USF3: variants seen among roughly 807,000 people sequenced by gnomAD.
The protein encoded by USF3 is upstream transcription factor family member 3, also known as basic helix-loop-helix domain-containing protein USF3.
Under a neutral mutation model 157.5 loss-of-function variants are expected in USF3, and 29 were observed. That is an observed-to-expected ratio of 0.18 (90% CI 0.14 to 0.25). The LOEUF is 0.25. USF3 is among the 10% of genes least tolerant of loss of function. The pLI, the probability that USF3 is intolerant of heterozygous loss-of-function variation, is 1.00. For synonymous variants in USF3, 893 were observed against 941.4 expected (o/e 0.95, Z 0.94); for missense variants, 2,381 against 2,667.6 (o/e 0.89, Z 2.37).
intron 1 of USF3, among the ~76,000 whole-genome samples, chr3:113,679,577 C>A (rs561534048): frequency 3.3e-5 from 5 of 152,114 alleles, no homozygotes; most frequent in African/African-American, 1.2e-4. Flanking sequence ...CCATACCCAG[C>A]TAATTTTTGT....
chr3:113,695,083 T>C (rs1707770593), intron 1 of USF3, among the ~76,000 whole-genome samples: 1 of 152,176 alleles, frequency 6.6e-6, no homozygotes, highest in African/African-American at 2.4e-5. Context: ...TGTCTTCTTG[T>C]CTTGGGCCGC....
At position 113,656,693 on chromosome 3, in the gene USF3, A is replaced by C. The variant is rs556700891; in HGVS notation, c.4989T>G (p.Asn1663Lys). 3 of 1,614,002 alleles carry C rather than the reference A, an allele frequency of 1.9e-6. No individual in the cohort carries two copies. Among genetic ancestry groups the C allele is most frequent in the African/African-American group, 1.3e-5 (1 of 75,014 alleles). The stretch of plus-strand genomic sequence containing the variant: ...CCTCAGCAGAATAACTTGAAACTCT[A>C]TTTCTCTCTGGCCTGTGTGGAGTAC... ...MTCTPHRPER[N>K]RVSSYSAEAL... The change falls in exon 7 of 7, where the codon AAT (asparagine) becomes AAG (lysine). Residue 1663 changes from asparagine (N) to lysine (K), a missense_variant. Physicochemically the swap from Asn to Lys is moderately conservative, Grantham distance 94. Around this residue, in one of 6 missense-constraint regions of USF3, gnomAD observed 770 missense variants for 824.2 expected, o/e 0.93. Coordinates refer to ENST00000316407, the MANE Select transcript of USF3 (RefSeq NM_001009899.4).
intron 1 of USF3, among the ~76,000 whole-genome samples, chr3:113,679,922 T>C (rs1482173943): frequency 3.9e-5 from 6 of 152,054 alleles, no homozygotes; most frequent in Admixed American, 1.3e-4. Context: ...CAACTGCATG[T>C]GAATTTGTAA....
chr3:113,685,246 T>C (rs192479739), intron 1 of USF3, among the ~76,000 whole-genome samples: 1 of 152,286 alleles, frequency 6.6e-6, no homozygotes, highest in African/African-American at 2.4e-5. Flanking sequence ...GAGTTGGGGA[T>C]GGAGTCACGC....
intron 1 of USF3, among the ~76,000 whole-genome samples, chr3:113,692,725 T>A (rs895787155): frequency 6.6e-6 from 1 of 152,166 alleles, no homozygotes; most frequent in African/African-American, 2.4e-5. Context: ...AACACAGTAT[T>A]AGCACACTAA....
At chr3:113,667,390 C>T (rs1947586643) in intron 5 of USF3, among the ~76,000 whole-genome samples, 2 of 152,248 alleles carry the variant, frequency 1.3e-5, no homozygotes, top group South Asian at 4.1e-4. Context: ...TTATGGTTTC[C>T]TTTCTTCAGA....
chr3:113,660,950 G>A lies in USF3; in HGVS notation c.732C>T (p.Ser244=), dbSNP rs375719498. The A allele has an allele frequency of 2.8e-5, 45 of 1,614,154 alleles. No individual in the cohort carries two copies. Among genetic ancestry groups the A allele is most frequent in the African/African-American group, 2.3e-4 (17 of 75,020 alleles). ...QSILELPTSE[S]ESNVLGATSG... ...TAGTGGCACCAAGCACATTTGATTC[G>A]CTTTCAGAGGTGGGAAGCTCGAGAA... Residue 244 remains serine, a synonymous_variant, in exon 7 of 7, where the codon AGC becomes AGT. Coordinates refer to ENST00000316407, the MANE Select transcript of USF3 (RefSeq NM_001009899.4).
chr3:113,659,588 A>T lies in USF3; in HGVS notation c.2094T>A (p.Asp698Glu). Residue 698 changes from aspartate (D) to glutamate (E), a missense_variant, in exon 7 of 7, where the codon GAT becomes GAA. Asp to Glu is a conservative substitution (Grantham distance 45, BLOSUM62 2). This residue lies in a region of USF3 where 1,435 missense variants were observed against 1,550.9 expected (regional missense o/e 0.93). Coordinates refer to ENST00000316407, the MANE Select transcript of USF3 (RefSeq NM_001009899.4). ...MQIIQPTTSEDPNTNVALNTF... is the reference protein window; with the variant it reads ...MQIIQPTTSEEPNTNVALNTF... The stretch of plus-strand genomic sequence containing the variant: ...TATTCAGGGCAACATTGGTATTTGG[A>T]TCTTCGCTGGTGGTGGGTTGAATAA... 1 of 1,614,006 alleles carries T rather than the reference A, an allele frequency of 6.2e-7. No individual in the cohort carries two copies.
At chr3:113,671,196 TAACA>T (rs1255451853) in intron 4 of USF3, among the ~76,000 whole-genome samples, 1 of 152,234 alleles carries the variant, frequency 6.6e-6, no homozygotes, top group South Asian at 2.1e-4. Flanking sequence ...AAGAATCCAC[TAACA>T]AACAAGTTAT....
chr3:113,684,766 T>A (rs947424880), intron 1 of USF3, among the ~76,000 whole-genome samples: 5 of 152,198 alleles, frequency 3.3e-5, no homozygotes, highest in Admixed American at 2.0e-4. Flanking sequence ...TTATCTTGGA[T>A]TTTGTTAAGC....
At chr3:113,671,809 C>T (rs1707159637) in intron 4 of USF3, among the ~76,000 whole-genome samples, 1 of 139,524 alleles carries the variant, frequency 7.2e-6, no homozygotes, top group Non-Finnish European at 1.5e-5. Flanking sequence ...TGTTCCATTG[C>T]CCAGGCTGGA....
chr3:113,680,739 T>C (rs1707399492), intron 1 of USF3, among the ~76,000 whole-genome samples: 1 of 150,388 alleles, frequency 6.6e-6, no homozygotes, highest in African/African-American at 2.4e-5. Flanking sequence ...AGATGGAGGT[T>C]GCAGTGAGCC....
rs1402375502 is a variant in USF3, at chr3:113,652,106, A to AGAGT, written c.*2834_*2837dup. Reference sequence around the variant, plus strand: ...ACTGGAGAGAGAGAGAGAGAGAGAGAGAGTGTGTGTGTGTGTGTGTGTGTG... The same window carrying AGAGT: ...ACTGGAGAGAGAGAGAGAGAGAGAGAGAGTGAGTGTGTGTGTGTGTGTGTGTGTG... On this transcript the variant is annotated 3_prime_UTR_variant, in exon 7 of 7. Coordinates refer to ENST00000316407, the MANE Select transcript of USF3 (RefSeq NM_001009899.4). 1.5e-5 allele frequency: 2 copies of AGAGT among 129,934 alleles called. No homozygotes were observed. Among genetic ancestry groups the AGAGT allele is most frequent in the Admixed American group, 7.4e-5 (1 of 13,482 alleles). The allele number at this position is 129,934 out of a possible 1,614,324, so 8.0% of individuals were successfully genotyped here.
At chr3:113,668,814 C>T (rs1463415488) in intron 5 of USF3, among the ~76,000 whole-genome samples, 1 of 151,934 alleles carries the variant, frequency 6.6e-6, no homozygotes, top group African/African-American at 2.4e-5. Flanking sequence ...AGAAAAAAGA[C>T]TATTGGAAAT....
At chr3:113,670,252 G>C (rs752775645) in intron 4 of USF3, 49 bp from the exon 5 acceptor site, 1 of 1,073,518 alleles carries the variant, frequency 9.3e-7, no homozygotes, top group East Asian at 2.4e-5. Flanking sequence ...CTTAGTCAAA[G>C]TGCCCTCATT....
chr3:113,666,567 CCTT>C (rs1947571828), intron 5 of USF3, among the ~76,000 whole-genome samples: 1 of 129,986 alleles, frequency 7.7e-6, no homozygotes, highest in African/African-American at 2.8e-5. Context: ...CTTATTGTTT[CCTT>C]TTTTTTTTTT....
chr3:113,689,060 A>AAC (rs1456855241), intron 1 of USF3, among the ~76,000 whole-genome samples: 1 of 151,870 alleles, frequency 6.6e-6, no homozygotes, highest in African/African-American at 2.4e-5. Flanking sequence ...CAAACAAACA[A>AAC]AAACCAGATG....
intron 5 of USF3, among the ~76,000 whole-genome samples, chr3:113,667,777 G>C (rs1947592786): frequency 6.6e-6 from 1 of 152,112 alleles, no homozygotes; most frequent in South Asian, 2.1e-4. Flanking sequence ...TGAGGCAAGA[G>C]AATCACTTGA....
intron 4 of USF3, 122 bp from the exon 5 acceptor site, chr3:113,670,325 G>A (rs969031131): frequency 4.4e-5 from 30 of 677,510 alleles, no homozygotes; most frequent in Admixed American, 6.4e-5. Flanking sequence ...ATGGCCAGGC[G>A]TGATGGTTCA....
Sources: gnomAD v4.1 joint callset for allele counts (sites outside exome capture counted in the v4.1 genomes callset) on GRCh38, gnomAD v4.1.1 for gene constraint, gnomAD v4.1.1 regional missense constraint, MANE v1.5 for transcripts, NCBI Gene and HGNC (gene_info 2026-07-23, HGNC 2026-07-21) for gene names.